Variants in PPM1H observed in about 807,000 individuals in gnomAD.
The protein encoded by PPM1H is protein phosphatase 1H.
PPM1H carries 27 observed loss-of-function variants against 54.9 expected under a neutral mutation model. That is an observed-to-expected ratio of 0.49 (90% CI 0.36 to 0.68). PPM1H has a LOEUF of 0.68. Among genes scored for constraint, PPM1H ranks in the 30% least tolerant of loss-of-function variants. The pLI is 0.00. For missense variants in PPM1H, 596 were observed against 667.8 expected (o/e 0.89, Z 1.19); for synonymous variants, 305 against 270.8 (o/e 1.13, Z -1.24).
intron 6 of PPM1H, among the ~76,000 whole-genome samples, chr12:62,696,616 C>T (rs2076116153): frequency 6.6e-6 from 1 of 152,146 alleles, no homozygotes; most frequent in Non-Finnish European, 1.5e-5. Flanking sequence ...TTAAAACTGG[C>T]AACTTGATTA....
intron 8 of PPM1H, among the ~76,000 whole-genome samples, chr12:62,673,305 A>G (rs982745267): frequency 1.3e-5 from 2 of 152,180 alleles, no homozygotes; most frequent in Non-Finnish European, 2.9e-5. Context: ...CAACTCTTTA[A>G]TACAGCACCT....
intron 1 of PPM1H, among the ~76,000 whole-genome samples, chr12:62,835,682 A>G (rs1868482276): frequency 6.6e-6 from 1 of 152,134 alleles, no homozygotes; most frequent in African/African-American, 2.4e-5. Flanking sequence ...ATGATAAAAT[A>G]TTAATTTAAA....
intron 9 of PPM1H, among the ~76,000 whole-genome samples, chr12:62,651,417 A>G (rs1198921223): frequency 6.6e-6 from 1 of 152,198 alleles, no homozygotes; most frequent in Non-Finnish European, 1.5e-5. Context: ...TGGCTTTATT[A>G]GAGTCATGAA....
At chr12:62,892,110 CA>C (rs1337789904) in intron 1 of PPM1H, among the ~76,000 whole-genome samples, 1 of 151,950 alleles carries the variant, frequency 6.6e-6, no homozygotes, top group African/African-American at 2.4e-5. Context: ...TTTAACATTT[CA>C]AAAAAAATTT....
At chr12:62,690,161 A>G (rs1463548290) in intron 7 of PPM1H, among the ~76,000 whole-genome samples, 1 of 152,020 alleles carries the variant, frequency 6.6e-6, no homozygotes, top group East Asian at 1.9e-4. Flanking sequence ...ATCAAACCCA[A>G]TAGGATTGAT....
intron 1 of PPM1H, among the ~76,000 whole-genome samples, chr12:62,900,175 T>C (rs2121110958): frequency 6.6e-6 from 1 of 152,344 alleles, no homozygotes; most frequent in African/African-American, 2.4e-5. Context: ...AGGCAAGCCA[T>C]TTAGTTTCTC....
intron 5 of PPM1H, among the ~76,000 whole-genome samples, chr12:62,723,301 TA>T (rs201023472): frequency 1.7e-3 from 242 of 144,496 alleles, no homozygotes; most frequent in Admixed American, 1.5e-3. Flanking sequence ...ATCAGAAAGT[TA>T]AAAAAAAAAA....
intron 7 of PPM1H, among the ~76,000 whole-genome samples, chr12:62,691,315 T>A (rs1268578968): frequency 5.9e-5 from 9 of 152,218 alleles, no homozygotes. Flanking sequence ...CTCTATTACC[T>A]GGGTGATAAG....
intron 8 of PPM1H, among the ~76,000 whole-genome samples, chr12:62,685,386 C>G (rs758435755): frequency 6.6e-6 from 1 of 152,162 alleles, no homozygotes; most frequent in Non-Finnish European, 1.5e-5. Flanking sequence ...CTTGGTACGT[C>G]CCTAAACACT....
chr12:62,869,421 GA>G lies in PPM1H; in HGVS notation c.246-37143del, dbSNP rs1171740471. ...GTAATATTAATGGTACCATTTTATAGATGTGCAAACTGAAGCACTTGCCCAA... is the reference window on the plus strand; with the variant it reads ...GTAATATTAATGGTACCATTTTATAGTGTGCAAACTGAAGCACTTGCCCAA... On this transcript the variant is annotated intron_variant, in intron 1 of 9. Coordinates refer to ENST00000228705, the MANE Select transcript of PPM1H (RefSeq NM_020700.2). Among the ~76,000 whole-genome samples the G allele has an allele frequency of 2.0e-5, 3 of 152,118 alleles. No homozygotes were observed. The East Asian group carries it at 5.8e-4, about 29-fold the overall frequency.
In PPM1H at chr12:62,710,814, G is replaced by A. The variant is rs1185741103; in HGVS notation, c.1073+9357C>T. ...TCTAGCTTCTCATTACCTTGCAGAGGCAGCATTTCAGCAACAGACTGTAGA... is the reference window on the plus strand; with the variant it reads ...TCTAGCTTCTCATTACCTTGCAGAGACAGCATTTCAGCAACAGACTGTAGA... On this transcript the variant is annotated intron_variant, in intron 6 of 9. Coordinates refer to ENST00000228705, the MANE Select transcript of PPM1H (RefSeq NM_020700.2). Among the ~76,000 whole-genome samples the A allele has an allele frequency of 3.9e-5, 6 of 152,118 alleles. No individual in the cohort carries two copies. The South Asian group carries it at 1.2e-3, about 32-fold the overall frequency.
At chr12:62,777,975 A>G (rs1039214067) in intron 4 of PPM1H, among the ~76,000 whole-genome samples, 1 of 152,222 alleles carries the variant, frequency 6.6e-6, no homozygotes, top group Non-Finnish European at 1.5e-5. Context: ...TTGGAGAAGA[A>G]AAATAAAAAT....
chr12:62,857,539 C>A (rs1869435298), intron 1 of PPM1H, among the ~76,000 whole-genome samples: 2 of 152,148 alleles, frequency 1.3e-5, no homozygotes, highest in African/African-American at 2.4e-5. Flanking sequence ...TATAAAACAG[C>A]CTCACATGCT....
In PPM1H at chr12:62,646,386, C is replaced by CAAAT. The variant is rs1234395347; in HGVS notation, c.*2099_*2102dup. ...GGGCCCAGATAGAGGCCCAGGAAAG[C>CAAAT]AAATAAATGAAAGACGGTGGGGACA... On this transcript the variant is annotated 3_prime_UTR_variant, in exon 10 of 10. Coordinates refer to ENST00000228705, the MANE Select transcript of PPM1H (RefSeq NM_020700.2). 6.6e-6 allele frequency: 1 copy of CAAAT among 152,128 alleles called. No homozygotes were observed. The highest frequency in any genetic ancestry group is 1.5e-5 in the Non-Finnish European group (1 of 68,034). 9.4% of individuals were successfully genotyped at this position (152,128 alleles called of 1,614,324 possible).
At chr12:62,651,277 CA>C (rs1221097597) in intron 9 of PPM1H, among the ~76,000 whole-genome samples, 1 of 152,088 alleles carries the variant, frequency 6.6e-6, no homozygotes, top group Non-Finnish European at 1.5e-5. Context: ...ACCCATGAGA[CA>C]TGGAAAAAGA....
At chr12:62,654,240 A>AAAAAAAAAAT (rs1565745583) in intron 9 of PPM1H, among the ~76,000 whole-genome samples, 1 of 150,860 alleles carries the variant, frequency 6.6e-6, no homozygotes, top group African/African-American at 2.4e-5. Flanking sequence ...AAAAAAAAAA[A>AAAAAAAAAAT]AGCAACACCT....
At chr12:62,699,017 T>A (rs2076129108) in intron 6 of PPM1H, among the ~76,000 whole-genome samples, 1 of 152,118 alleles carries the variant, frequency 6.6e-6, no homozygotes. Flanking sequence ...TTCATCCACA[T>A]CACTGAAAAA....
chr12:62,765,999 G>A (rs1179820996), intron 4 of PPM1H, among the ~76,000 whole-genome samples: 1 of 152,204 alleles, frequency 6.6e-6, no homozygotes, highest in African/African-American at 2.4e-5. Context: ...AGGAAGTGGT[G>A]TGGCCACCCC....
chr12:62,721,192 T>G (rs1396754577), intron 5 of PPM1H, among the ~76,000 whole-genome samples: 2 of 152,170 alleles, frequency 1.3e-5, no homozygotes, highest in Non-Finnish European at 2.9e-5. Context: ...GTCCTCAGTG[T>G]ATGGGTCATA....
Sources: gnomAD v4.1 joint callset for allele counts (sites outside exome capture counted in the v4.1 genomes callset) on GRCh38, gnomAD v4.1.1 for gene constraint, MANE v1.5 for transcripts, NCBI Gene and HGNC (gene_info 2026-07-23, HGNC 2026-07-21) for gene names.